SLC7A13: variants seen among roughly 807,000 people sequenced by gnomAD.
The protein encoded by SLC7A13 is solute carrier family 7 member 13.
Under a neutral mutation model 32.0 loss-of-function variants are expected in SLC7A13, and 31 were observed. The observed-to-expected ratio is 0.97, with a 90% CI of 0.73 to 1.31. The LOEUF is 1.31. Ranked by LOEUF, SLC7A13 falls within the 50% of genes most tolerant of loss-of-function variation. The pLI, the probability that SLC7A13 is intolerant of heterozygous loss-of-function variation, is 0.00. For missense variants in SLC7A13, 633 were observed against 546.9 expected, an observed-to-expected ratio of 1.16 and a Z score of -1.57; for synonymous variants, 232 against 206.9, an observed-to-expected ratio of 1.12 and a Z score of -1.04.
intron 3 of SLC7A13, among the ~76,000 whole-genome samples, chr8:86,216,973 T>C (rs1034525120): frequency 6.6e-6 from 1 of 152,196 alleles, no homozygotes; most frequent in African/African-American, 2.4e-5. Flanking sequence ...TAAGTGGTTG[T>C]CTCCTCTCCT....
intron 1 of SLC7A13, among the ~76,000 whole-genome samples, chr8:86,228,591 A>T (rs1277019192): frequency 1.3e-5 from 2 of 152,044 alleles, no homozygotes; most frequent in East Asian, 3.9e-4. Flanking sequence ...CACGCTTGTA[A>T]TCCCAGCACT....
chr8:86,222,768 A>G (rs1486325726), intron 2 of SLC7A13, among the ~76,000 whole-genome samples: 1 of 152,232 alleles, frequency 6.6e-6, no homozygotes, highest in South Asian at 2.1e-4. Flanking sequence ...TTTCCATATT[A>G]TTAGAAAAGG....
intron 1 of SLC7A13, among the ~76,000 whole-genome samples, chr8:86,227,162 T>G (rs1820399950): frequency 6.6e-6 from 1 of 152,164 alleles, no homozygotes; most frequent in African/African-American, 2.4e-5. Context: ...GAGGCACCAG[T>G]ACAGGGTTTT....
rs1340907883 is a variant in SLC7A13 at position 86,218,457 on chromosome 8, C to T, written c.818-626G>A. On this transcript the variant is annotated intron_variant, in intron 2 of 3. Transcript: ENST00000297524. ...GAGTTAAATTTACTCCTCAGGGTCA[C>T]TTGGCAATATCTGGAGACTTTTTTG... Among the ~76,000 whole-genome samples, 4 of 152,160 alleles carry T rather than the reference C, an allele frequency of 2.6e-5. No homozygotes were observed. The East Asian group carries it at 7.7e-4, about 29-fold the overall frequency.
chr8:86,217,674 CAAA>C lies in SLC7A13; in HGVS notation c.972_974del (p.Leu326del), dbSNP rs1165082363. 1.2e-6 allele frequency: 2 copies of C among 1,613,226 alleles called. No individual in the cohort carries two copies. Among genetic ancestry groups the C allele is most frequent in the Non-Finnish European group, 1.7e-6 (2 of 1,179,578 alleles). ...AGTGACTATTAAGTGTATTAAATAG[CAAA>C]GGCAGCTGGCCCTCTTGGCTTGCAA... On this transcript the variant is annotated inframe_deletion, in exon 3 of 4. Coordinates refer to ENST00000297524, the MANE Select transcript of SLC7A13 (RefSeq NM_138817.3).
At chr8:86,229,469 A>G in intron 1 of SLC7A13, 124 bp downstream of exon 1, 1 of 942,242 alleles carries the variant, frequency 1.1e-6, no homozygotes, top group Admixed American at 2.6e-5. Flanking sequence ...GATCTGATTC[A>G]GAAAGTCACA....
At position 86,229,929 on chromosome 8, in the gene SLC7A13, C is replaced by T. The variant is rs1327782459; in HGVS notation, c.349G>A (p.Glu117Lys). The change falls in exon 1 of 4, where the codon GAG (glutamate) becomes AAG (lysine). Residue 117 changes from glutamate to lysine, a missense_variant. Transcript: ENST00000297524. Reference protein sequence around the residue: ...VVAGQALLLAEYSIQPFFPSC... With the variant: ...VVAGQALLLAKYSIQPFFPSC... ...GGAAAAAAAGGCTGGATGCTGTACTCAGCAAGGAGCAGAGCTTGGCCAGCA... is the reference window on the plus strand; with the variant it reads ...GGAAAAAAAGGCTGGATGCTGTACTTAGCAAGGAGCAGAGCTTGGCCAGCA... 6.2e-6 allele frequency: 10 copies of T among 1,614,050 alleles called. 1 individual carries two copies. The highest frequency in any genetic ancestry group is 5.5e-5 in the South Asian group (5 of 91,082).
intron 3 of SLC7A13, among the ~76,000 whole-genome samples, chr8:86,215,093 A>G (rs541230815): frequency 6.6e-6 from 1 of 152,134 alleles, no homozygotes; most frequent in Non-Finnish European, 1.5e-5. Flanking sequence ...TAAATGTTGT[A>G]ACTTTATAGG....
chr8:86,220,125 G>A (rs1458370038), intron 2 of SLC7A13, among the ~76,000 whole-genome samples: 1 of 151,878 alleles, frequency 6.6e-6, no homozygotes, highest in East Asian at 1.9e-4. Context: ...CTACTTTTAG[G>A]CTGCATCTGG....
At chr8:86,229,455 G>T in intron 1 of SLC7A13, 138 bp downstream of exon 1, 2 of 818,480 alleles carry the variant, frequency 2.4e-6, no homozygotes, top group Non-Finnish European at 3.8e-6. Flanking sequence ...TGCCAGGCTG[G>T]CATGATCTGA....
chr8:86,217,858 G>T (rs1409532321), intron 2 of SLC7A13, 27 bp from the exon 3 acceptor site: 1 of 1,499,884 alleles, frequency 6.7e-7, no homozygotes, highest in East Asian at 2.3e-5. Context: ...ATACACAAAA[G>T]AAAATGTGTT....
chr8:86,217,366 G>A (rs1195802300), intron 3 of SLC7A13, 104 bp downstream of exon 3: 2 of 1,057,514 alleles, frequency 1.9e-6, no homozygotes, highest in East Asian at 2.9e-5. Flanking sequence ...CAGTAACTGA[G>A]TATTCAGAAG....
chr8:86,221,280 C>A (rs571781114), intron 2 of SLC7A13, among the ~76,000 whole-genome samples: 2 of 151,992 alleles, frequency 1.3e-5, no homozygotes, highest in African/African-American at 4.8e-5. Flanking sequence ...TATAGATTTC[C>A]CATAAATTTT....
Position 86,230,270 on chromosome 8 carries a change from C to G in SLC7A13, c.8G>C (p.Arg3Thr). 2 of 1,568,148 alleles carry G rather than the reference C, an allele frequency of 1.3e-6. No individual in the cohort carries two copies. The highest frequency in any genetic ancestry group is 1.7e-6 in the Non-Finnish European group (2 of 1,160,196). The change falls in exon 1 of 4, where the codon AGA becomes ACA. Residue 3 changes from arginine to threonine, a missense_variant. Physicochemically the swap from Arg to Thr is moderately conservative, Grantham distance 71 (BLOSUM62 -1). Coordinates refer to ENST00000297524, the MANE Select transcript of SLC7A13 (RefSeq NM_138817.3). ...TCTCTTGAGCTGTATTTTCTCCCCT[C>G]TATCCATTGTAATTGAAGAGTTTTA... Reference protein sequence around the residue: MDRGEKIQLKRVF... With the variant: MDTGEKIQLKRVF...
Position 86,217,823 on chromosome 8 carries a change from C to A in SLC7A13, c.826G>T (p.Ala276Ser). The A allele has an allele frequency of 1.3e-6, 2 of 1,525,292 alleles. No individual in the cohort carries two copies. The highest frequency in any genetic ancestry group is 1.3e-5 in the South Asian group (1 of 76,244). The allele number at this position is 1,525,292 out of a possible 1,614,324, so 94.5% of individuals were successfully genotyped here. Residue 276 changes from alanine (A) to serine (S), a missense_variant, in exon 3 of 4, where the codon GCT becomes TCT. Physicochemically the swap from Ala to Ser is moderately conservative, Grantham distance 99. Coordinates refer to ENST00000297524, the MANE Select transcript of SLC7A13 (RefSeq NM_138817.3). ...PREILSSDAV[A>S]ITWADRAFPS... ...AAAGCTCGATCAGCCCATGTGATAG[C>A]TACAGCATCTGCAGAAAAACAAAAA...
At chr8:86,216,381 C>T (rs370261747) in intron 3 of SLC7A13, among the ~76,000 whole-genome samples, 15 of 152,256 alleles carry the variant, frequency 9.9e-5, no homozygotes, top group African/African-American at 3.1e-4. Context: ...ATCGTCACAC[C>T]GTGATTTTTG....
chr8:86,228,583 C>T (rs1341620724), intron 1 of SLC7A13, among the ~76,000 whole-genome samples: 13 of 152,018 alleles, frequency 8.6e-5, no homozygotes, highest in African/African-American at 1.9e-4. Context: ...CAGTGGCTCA[C>T]GCTTGTAATC....
intron 2 of SLC7A13, among the ~76,000 whole-genome samples, chr8:86,218,584 AC>A (rs1820234906): frequency 6.6e-6 from 1 of 152,160 alleles, no homozygotes; most frequent in South Asian, 2.1e-4. Flanking sequence ...ATTCTCTACA[AC>A]AAAAAATTAT....
In SLC7A13 at chr8:86,226,585, G is replaced by A. The variant is rs147950789; in HGVS notation, c.685+3008C>T. Among the ~76,000 whole-genome samples, 162 of 152,204 alleles carry A rather than the reference G, an allele frequency of 1.1e-3. 1 individual carries two copies. Among genetic ancestry groups the A allele is most frequent in the African/African-American group, 3.7e-3 (153 of 41,528 alleles). On this transcript the variant is annotated intron_variant, in intron 1 of 3. Transcript: ENST00000297524. ...ACTGAATCTTCTTTCTCTACCTCCT[G>A]CTTAAAAGTTGGCATTGTCCAGTCA...
Sources: gnomAD v4.1 joint callset for allele counts (sites outside exome capture counted in the v4.1 genomes callset) on GRCh38, gnomAD v4.1.1 for gene constraint, MANE v1.5 for transcripts, NCBI Gene and HGNC (gene_info 2026-07-23, HGNC 2026-07-21) for gene names.